The following MTUS2 variants were observed in gnomAD, a reference collection of about 807,000 sequenced individuals.
MTUS2 encodes microtubule-associated tumor suppressor candidate 2.
Under a neutral mutation model 114.1 loss-of-function variants are expected in MTUS2, and 40 were observed. That is an observed-to-expected ratio of 0.35 (90% CI 0.27 to 0.46). The LOEUF (loss-of-function observed/expected upper bound fraction) is 0.46, where lower values mean the gene tolerates loss of function less well. MTUS2 is among the 20% of genes least tolerant of loss of function. The pLI, the probability that MTUS2 is intolerant of heterozygous loss-of-function variation, is 1.00. For synonymous variants in MTUS2, 688 were observed against 672.0 expected, an observed-to-expected ratio of 1.02 and a Z score of -0.37; for missense variants, 1,679 against 1,705.4, an observed-to-expected ratio of 0.98 and a Z score of 0.27.
chr13:29,201,044 G>A (rs1894933304), intron 5 of MTUS2, among the ~76,000 whole-genome samples: 1 of 152,128 alleles, frequency 6.6e-6, no homozygotes, highest in Non-Finnish European at 1.5e-5. Context: ...CCAGAGCTGA[G>A]TTCAAGTCCT....
chr13:29,230,621 G>A (rs988990075), intron 5 of MTUS2, among the ~76,000 whole-genome samples: 1 of 152,196 alleles, frequency 6.6e-6, no homozygotes, highest in African/African-American at 2.4e-5. Context: ...GTCAGAAGCA[G>A]GCTGAACATG....
intron 5 of MTUS2, among the ~76,000 whole-genome samples, chr13:29,260,698 G>A (rs1593233995): frequency 1.3e-5 from 2 of 152,170 alleles, no homozygotes; most frequent in African/African-American, 2.4e-5. Context: ...TACCAGTCTC[G>A]TTTTACACTG....
intron 5 of MTUS2, among the ~76,000 whole-genome samples, chr13:29,171,620 G>C (rs777049831): frequency 2.6e-5 from 4 of 152,198 alleles, no homozygotes; most frequent in African/African-American, 9.6e-5. Context: ...TTGTCTGCAC[G>C]TGACACAAAA....
At chr13:28,887,043 G>A (rs945835353) in intron 2 of MTUS2, among the ~76,000 whole-genome samples, 2 of 152,216 alleles carry the variant, frequency 1.3e-5, no homozygotes, top group African/African-American at 4.8e-5. Flanking sequence ...TTGACAACGT[G>A]AGGTTCGAGT....
intron 4 of MTUS2, among the ~76,000 whole-genome samples, chr13:29,070,466 G>T (rs905426875): frequency 6.6e-6 from 1 of 151,884 alleles, no homozygotes; most frequent in Non-Finnish European, 1.5e-5. Flanking sequence ...TTCCAGTGTT[G>T]TTCAAGAGAA....
chr13:29,107,393 G>C (rs912475317), intron 5 of MTUS2, among the ~76,000 whole-genome samples: 1 of 152,096 alleles, frequency 6.6e-6, no homozygotes, highest in Non-Finnish European at 1.5e-5. Flanking sequence ...TCTTATGTAA[G>C]GGTATGGAAA....
intron 2 of MTUS2, among the ~76,000 whole-genome samples, chr13:28,878,241 ATGTATATATGTGTGTGTGTGTATATG>A (rs1451232408): frequency 6.6e-6 from 1 of 151,188 alleles, no homozygotes; most frequent in African/African-American, 2.4e-5. Flanking sequence ...GTGTATATAT[ATGTATATATGTGTGTGTGTGTATATG>A]TGTATATATG....
At chr13:29,433,834 A>C (rs1877198026) in intron 8 of MTUS2, among the ~76,000 whole-genome samples, 2 of 152,248 alleles carry the variant, frequency 1.3e-5, no homozygotes, top group Non-Finnish European at 2.9e-5. Context: ...AGCGTAAAAA[A>C]ACCTTTAACC....
intron 3 of MTUS2, among the ~76,000 whole-genome samples, chr13:29,027,385 CTCTT>C (rs1315483688): frequency 6.6e-6 from 1 of 152,168 alleles, no homozygotes; most frequent in African/African-American, 2.4e-5. Context: ...TAGGCATGGA[CTCTT>C]TCTTTAAAAT....
At chr13:29,375,526 T>TC (rs1871540204) in intron 8 of MTUS2, among the ~76,000 whole-genome samples, 1 of 20,618 alleles carries the variant, frequency 4.9e-5, no homozygotes, top group Admixed American at 6.4e-4. Flanking sequence ...TATATATATA[T>TC]ATATATATAT....
chr13:29,446,338 C>T (rs1878278711), intron 9 of MTUS2, among the ~76,000 whole-genome samples: 1 of 152,106 alleles, frequency 6.6e-6, no homozygotes, highest in Non-Finnish European at 1.5e-5. Context: ...GTGACAGTAC[C>T]CTATCCATTT....
At chr13:29,234,241 G>GT (rs1468576112) in intron 5 of MTUS2, among the ~76,000 whole-genome samples, 17 of 152,182 alleles carry the variant, frequency 1.1e-4, no homozygotes, top group Admixed American at 1.1e-3. Context: ...TGCAGGCCAG[G>GT]TGTTGGGGCT....
chr13:29,438,841 CAGCTT>C (rs1464440332), intron 8 of MTUS2, among the ~76,000 whole-genome samples: 5 of 152,154 alleles, frequency 3.3e-5, no homozygotes, highest in African/African-American at 1.2e-4. Flanking sequence ...TATTATGACA[CAGCTT>C]AGCAAATGCC....
intron 9 of MTUS2, among the ~76,000 whole-genome samples, chr13:29,441,926 A>G (rs1449276109): frequency 6.6e-6 from 1 of 152,174 alleles, no homozygotes; most frequent in Non-Finnish European, 1.5e-5. Flanking sequence ...TCACCTGATG[A>G]ACTGCAAAGA....
intron 2 of MTUS2, among the ~76,000 whole-genome samples, chr13:28,929,724 G>C (rs939404106): frequency 6.6e-6 from 1 of 152,204 alleles, no homozygotes; most frequent in African/African-American, 2.4e-5. Flanking sequence ...TTACCCAACA[G>C]CAAACACTTC....
In MTUS2 at chr13:28,946,938, T is replaced by C. The variant is rs543568238; in HGVS notation, c.-242-77519T>C. ...TTTTCCTTTGTAGAGAGCTTTAGCA[T>C]TCCCAAAGCACCTTTCATATTTCGT... On this transcript the variant is annotated intron_variant, in intron 2 of 15. Transcript: ENST00000612955. Among the ~76,000 whole-genome samples the C allele has an allele frequency of 3.9e-5, 6 of 152,324 alleles. No homozygotes were observed. The South Asian group carries it at 1.2e-3, about 32-fold the overall frequency.
intron 5 of MTUS2, among the ~76,000 whole-genome samples, chr13:29,255,484 T>C (rs966906597): frequency 6.6e-6 from 1 of 152,242 alleles, no homozygotes; most frequent in Non-Finnish European, 1.5e-5. Flanking sequence ...GGCATTTTTC[T>C]ATGGCAGTTT....
intron 5 of MTUS2, among the ~76,000 whole-genome samples, chr13:29,262,622 G>A (rs1302651223): frequency 6.6e-6 from 1 of 151,938 alleles, no homozygotes; most frequent in Non-Finnish European, 1.5e-5. Flanking sequence ...CTGGGACACT[G>A]AGATGCTGAG....
chr13:29,244,684 C>T (rs532685743), intron 5 of MTUS2, among the ~76,000 whole-genome samples: 10 of 152,160 alleles, frequency 6.6e-5, no homozygotes, highest in African/African-American at 1.7e-4. Context: ...GGGCCGGGCG[C>T]GGTGGCTCAC....
Sources: gnomAD v4.1 joint callset for allele counts (sites outside exome capture counted in the v4.1 genomes callset) on GRCh38, gnomAD v4.1.1 for gene constraint, MANE v1.5 for transcripts, NCBI Gene and HGNC (gene_info 2026-07-23, HGNC 2026-07-21) for gene names.